Variants in IGSF21 observed in about 807,000 individuals in gnomAD.
The protein encoded by IGSF21 is immunoglobin superfamily member 21, also known as immunoglobulin superfamily member 21.
In IGSF21, 28 loss-of-function variants were observed where a neutral mutation model predicts 46.8. The observed-to-expected ratio is 0.60, with a 90% CI of 0.44 to 0.82. The LOEUF is 0.82. Ranked by LOEUF, IGSF21 falls within the 40% of genes least tolerant of loss-of-function variation. The pLI is 0.00. For missense variants in IGSF21, 624 were observed against 665.5 expected (o/e 0.94, Z 0.69); for synonymous variants, 284 against 273.6 (o/e 1.04, Z -0.38).
chr1:18,297,660 A>G (rs1264134848), intron 3 of IGSF21, among the ~76,000 whole-genome samples: 1 of 152,170 alleles, frequency 6.6e-6, no homozygotes, highest in African/African-American at 2.4e-5. Context: ...AGTCCCACAT[A>G]TAAAATGGCA....
intron 3 of IGSF21, among the ~76,000 whole-genome samples, chr1:18,311,711 T>G (rs1314461827): frequency 6.6e-6 from 1 of 152,102 alleles, no homozygotes; most frequent in East Asian, 1.9e-4. Context: ...GGCAGAAGGC[T>G]AAAGGCACAT....
chr1:18,128,010 A>G (rs774195139), intron 1 of IGSF21, among the ~76,000 whole-genome samples: 2 of 152,192 alleles, frequency 1.3e-5, no homozygotes, highest in Non-Finnish European at 2.9e-5. Context: ...GAGAGAGGGC[A>G]TTTAATCAGG....
At chr1:18,356,007 G>A (rs904762360) in intron 4 of IGSF21, among the ~76,000 whole-genome samples, 7 of 151,840 alleles carry the variant, frequency 4.6e-5, no homozygotes, top group African/African-American at 7.3e-5. Context: ...AGCTAATTGC[G>A]TATTTTTAGT....
intron 3 of IGSF21, among the ~76,000 whole-genome samples, chr1:18,292,924 G>A (rs570207382): frequency 6.6e-6 from 1 of 152,218 alleles, no homozygotes; most frequent in Non-Finnish European, 1.5e-5. Flanking sequence ...CAAATGCTTT[G>A]CCAGGTGCCC....
chr1:18,124,186 G>A lies in IGSF21; in HGVS notation c.70+15988G>A, dbSNP rs575462195. On this transcript the variant is annotated intron_variant, in intron 1 of 9. Transcript: ENST00000251296. ...GAGAAACATTGAAGCCAAAATAGGG[G>A]TGTGGCCAGGTCCAGGCTCTCTTCT... is the stretch of plus-strand genomic sequence containing the variant. Among the ~76,000 whole-genome samples the A allele has an allele frequency of 1.4e-4, 21 of 152,288 alleles. No individual in the cohort carries two copies. The South Asian group carries it at 4.3e-3, about 32-fold the overall frequency.
At chr1:18,152,063 T>C (rs2086526169) in intron 1 of IGSF21, among the ~76,000 whole-genome samples, 1 of 152,170 alleles carries the variant, frequency 6.6e-6, no homozygotes. Context: ...CAGGGACCTT[T>C]CTCCCTCTGT....
rs1389453151 is a variant in IGSF21 at position 18,334,041 on chromosome 1, G to A, written c.306-851G>A. 3.9e-5 allele frequency among the ~76,000 whole-genome samples: 6 copies of A among 152,188 alleles called. No homozygotes were observed. In the East Asian group the frequency reaches 1.2e-3, roughly 29 times the overall value. On this transcript the variant is annotated intron_variant, in intron 3 of 9. Coordinates refer to ENST00000251296, the MANE Select transcript of IGSF21 (RefSeq NM_032880.5). The surrounding 1 kb of genome is among the most constrained non-coding windows in gnomAD (Gnocchi z 4.3). Reference sequence around the variant, plus strand: ...AGCTGCTTTTGTGCTGCAAGGACAGGGTTGAATTGCAATTGTAAAGGGCAA... The same window carrying A: ...AGCTGCTTTTGTGCTGCAAGGACAGAGTTGAATTGCAATTGTAAAGGGCAA...
intron 1 of IGSF21, among the ~76,000 whole-genome samples, chr1:18,218,288 T>C (rs543212859): frequency 3.9e-5 from 6 of 152,264 alleles, no homozygotes; most frequent in African/African-American, 1.4e-4. Flanking sequence ...AACTCACTCA[T>C]TATCAAGAGA....
chr1:18,262,030 C>T (rs2084951606), intron 2 of IGSF21, among the ~76,000 whole-genome samples: 1 of 152,148 alleles, frequency 6.6e-6, no homozygotes, highest in South Asian at 2.1e-4. Flanking sequence ...CCTGAAGAGG[C>T]TTCTGAAACC....
intron 4 of IGSF21, among the ~76,000 whole-genome samples, chr1:18,346,125 G>A (rs963307975): frequency 1.6e-4 from 24 of 152,198 alleles, no homozygotes; most frequent in African/African-American, 4.8e-4. Context: ...GTAAATGTCA[G>A]TGGAGTTGAG....
chr1:18,341,003 C>T (rs2085830143), intron 4 of IGSF21, among the ~76,000 whole-genome samples: 71 of 84,440 alleles, frequency 8.4e-4, no homozygotes, highest in Middle Eastern at 5.4e-3. Context: ...TCTCCTCCTC[C>T]TCCTTCTTCT....
chr1:18,366,089 C>G (rs565167905), intron 6 of IGSF21, among the ~76,000 whole-genome samples: 95 of 151,638 alleles, frequency 6.3e-4, no homozygotes, highest in African/African-American at 2.3e-3. Flanking sequence ...TGGGTTGGGT[C>G]AGGAACATAA....
intron 9 of IGSF21, 85 bp from the exon 10 acceptor site, chr1:18,378,171 T>G: frequency 8.9e-7 from 1 of 1,123,750 alleles, no homozygotes; most frequent in Non-Finnish European, 1.3e-6. Context: ...AAATCCAGCG[T>G]CTTTGTTGGG....
intron 1 of IGSF21, chr1:18,114,542 G>C (rs1401693462): frequency 6.6e-6 from 1 of 152,248 alleles, no homozygotes; most frequent in East Asian, 1.9e-4. Context: ...CAGCAAAGAT[G>C]TTCTGATCCT....
At chr1:18,270,666 GCTGCA>G (rs546441729) in intron 2 of IGSF21, among the ~76,000 whole-genome samples, 145 of 152,292 alleles carry the variant, frequency 9.5e-4, no homozygotes, top group Admixed American at 3.3e-3. Flanking sequence ...GGCCATGTTG[GCTGCA>G]CTGAAAACAG....
intron 1 of IGSF21, 138 bp from the exon 2 acceptor site, chr1:18,227,760 A>G: frequency 1.5e-6 from 1 of 661,312 alleles, no homozygotes; most frequent in Admixed American, 2.1e-5. Flanking sequence ...CACAGTGTGA[A>G]CAGCGTCCCT....
intron 6 of IGSF21, among the ~76,000 whole-genome samples, chr1:18,369,765 A>G (rs2086205861): frequency 6.6e-6 from 1 of 152,218 alleles, no homozygotes. Context: ...CTTCCCTTGC[A>G]GGGATGCCCT....
chr1:18,108,291 G>C (rs1324280701), intron 1 of IGSF21, 93 bp downstream of exon 1: 14 of 1,216,310 alleles, frequency 1.2e-5, no homozygotes, highest in Non-Finnish European at 1.4e-5. Context: ...GCTCCGAGAG[G>C]CTCGGGCTAC....
chr1:18,226,977 G>C (rs1414125532), intron 1 of IGSF21, among the ~76,000 whole-genome samples: 2 of 152,220 alleles, frequency 1.3e-5, no homozygotes, highest in Non-Finnish European at 2.9e-5. Context: ...CACCAGACTA[G>C]ACTTTGGTGT....
Sources: gnomAD v4.1 joint callset for allele counts (sites outside exome capture counted in the v4.1 genomes callset) on GRCh38, gnomAD v4.1.1 for gene constraint, Gnocchi (gnomAD v3.1) non-coding constraint, MANE v1.5 for transcripts, NCBI Gene and HGNC (gene_info 2026-07-23, HGNC 2026-07-21) for gene names.